ABCA4: variants seen among roughly 807,000 people sequenced by gnomAD.
ABCA4 encodes the protein ATP binding cassette subfamily A member 4, also known as retinal-specific phospholipid-transporting ATPase ABCA4.
ABCA4 carries 196 observed loss-of-function variants against 263.7 expected under a neutral mutation model. The observed-to-expected ratio is 0.74, with a 90% CI of 0.66 to 0.84. The LOEUF is 0.84. Ranked by LOEUF, ABCA4 falls within the 40% of genes least tolerant of loss-of-function variation. The pLI, the probability that ABCA4 is intolerant of heterozygous loss-of-function variation, is 0.00. For missense variants in ABCA4, 2,792 were observed against 2,855.1 expected (o/e 0.98, Z 0.50); for synonymous variants, 1,133 against 1,094.2 (o/e 1.04, Z -0.70).
chr1:94,029,706 C>T, intron 29 of ABCA4, 75 bp from the exon 30 acceptor site: 8 of 1,415,990 alleles, frequency 5.6e-6, no homozygotes, highest in African/African-American at 1.4e-5. Flanking sequence ...AGAAATTGTG[C>T]CCAACCCTTT....
intron 43 of ABCA4, among the ~76,000 whole-genome samples, chr1:94,005,935 GAAGT>G (rs1031172152): frequency 5.3e-5 from 8 of 152,176 alleles, no homozygotes; most frequent in Admixed American, 1.3e-4. Flanking sequence ...AGACATTTGG[GAAGT>G]AACTAGAAAA....
intron 1 of ABCA4, among the ~76,000 whole-genome samples, chr1:94,114,035 AAC>A (rs1317467642): frequency 1.3e-5 from 2 of 152,216 alleles, no homozygotes; most frequent in East Asian, 3.8e-4. Context: ...TTAGGAAGGA[AAC>A]ACATAAGATC....
At chr1:94,046,280 TAAAA>T (rs11289565) in intron 19 of ABCA4, among the ~76,000 whole-genome samples, 171 of 77,054 alleles carry the variant, frequency 2.2e-3, no homozygotes, top group Middle Eastern at 8.5e-3. Flanking sequence ...CTGTCTGTAC[TAAAA>T]AAAAAAAAAA....
chr1:94,073,035 T>C (rs890408527), intron 11 of ABCA4, among the ~76,000 whole-genome samples: 12 of 152,102 alleles, frequency 7.9e-5, no homozygotes, highest in Admixed American at 6.5e-4. Flanking sequence ...AGCAGCCCAG[T>C]GAAGCAACAT....
chr1:94,007,833 G>T, intron 42 of ABCA4, 93 bp from the exon 43 acceptor site: 2 of 1,216,598 alleles, frequency 1.6e-6, no homozygotes, highest in Non-Finnish European at 1.2e-6. Flanking sequence ...GCTGGGGGAG[G>T]AATTTTAGAC....
At chr1:94,111,684 G>A (rs920727981) in intron 2 of ABCA4, 105 bp from the exon 3 acceptor site, 2 of 1,320,422 alleles carry the variant, frequency 1.5e-6, no homozygotes, top group African/African-American at 2.9e-5. Flanking sequence ...CCCCTCTGAT[G>A]TCCTCCTTCA....
Position 94,084,996 on chromosome 1 carries a change from G to A in ABCA4, c.769-1555C>T, listed in dbSNP as rs151082799. 4.6e-5 allele frequency among the ~76,000 whole-genome samples: 7 copies of A among 152,250 alleles called. No homozygotes were observed. In the East Asian group the frequency reaches 1.4e-3, roughly 29 times the overall value. On this transcript the variant is annotated intron_variant, in intron 6 of 49. Coordinates refer to ENST00000370225, the MANE Select transcript of ABCA4 (RefSeq NM_000350.3). ...ATTAGAGATGAAAAGAGACCTGAGA[G>A]ACATAGCAGTAAAATGGCCACAGGT...
At chr1:94,026,129 C>T (rs537251588) in intron 30 of ABCA4, among the ~76,000 whole-genome samples, 1 of 152,358 alleles carries the variant, frequency 6.6e-6, no homozygotes, top group African/African-American at 2.4e-5. Flanking sequence ...GTCAAGGGTG[C>T]TGCCCAGAAG....
At chr1:94,031,234 C>T (rs1488568186) in intron 27 of ABCA4, 114 bp from the exon 28 acceptor site, 1 of 1,433,798 alleles carries the variant, frequency 7.0e-7, no homozygotes, top group Non-Finnish European at 9.6e-7. Context: ...CCTAATCAGC[C>T]CCTGGTGGAG....
chr1:94,119,168 A>G (rs1055470355), intron 1 of ABCA4, among the ~76,000 whole-genome samples: 1 of 152,162 alleles, frequency 6.6e-6, no homozygotes. Context: ...AAATTTAATC[A>G]TGAGGTTTTT....
intron 47 of ABCA4, 102 bp downstream of exon 47, chr1:94,000,734 G>A (rs1164086088): frequency 8.0e-7 from 1 of 1,252,666 alleles, no homozygotes; most frequent in African/African-American, 1.5e-5. Flanking sequence ...TCTGCCCCAG[G>A]GGATGACGGA....
intron 20 of ABCA4, among the ~76,000 whole-genome samples, chr1:94,043,921 T>G (rs1660593189): frequency 4.6e-5 from 7 of 152,188 alleles, no homozygotes; most frequent in Admixed American, 4.6e-4. Context: ...AGCGGTTATC[T>G]CTGAGTAGTG....
intron 7 of ABCA4, among the ~76,000 whole-genome samples, chr1:94,082,372 A>C (rs1661723857): frequency 6.6e-6 from 1 of 152,238 alleles, no homozygotes; most frequent in South Asian, 2.1e-4. Context: ...TTCTACTCAG[A>C]ACTAAGAGTG....
chr1:94,066,112 T>G (rs1363771783), intron 11 of ABCA4, among the ~76,000 whole-genome samples: 1 of 152,212 alleles, frequency 6.6e-6, no homozygotes, highest in East Asian at 1.9e-4. Flanking sequence ...GATAAATAGT[T>G]TGGGTCTGTT....
intron 44 of ABCA4, 119 bp downstream of exon 44, chr1:94,005,322 T>G: frequency 7.5e-7 from 1 of 1,336,590 alleles, no homozygotes; most frequent in Non-Finnish European, 1.1e-6. Context: ...AGTAAACATT[T>G]GTTGGAATGA....
chr1:94,082,240 T>C (rs1005768265), intron 7 of ABCA4, among the ~76,000 whole-genome samples: 2 of 152,224 alleles, frequency 1.3e-5, no homozygotes, highest in African/African-American at 4.8e-5. Flanking sequence ...CACTCAGAGA[T>C]GAAGGGGCTG....
rs1469709113 is a variant in ABCA4, at chr1:94,051,245, C to T, written c.2653+388G>A. The stretch of plus-strand genomic sequence containing the variant: ...GAAAAGGCAGAGAAGAATAAAAAGG[C>T]ACAAGGAAGGCAATGGGAGATGAAT... On this transcript the variant is annotated intron_variant, in intron 17 of 49. Transcript: ENST00000370225. Among the ~76,000 whole-genome samples the T allele has an allele frequency of 2.0e-5, 3 of 152,182 alleles. No individual in the cohort carries two copies. In the East Asian group the frequency reaches 5.8e-4, roughly 29 times the overall value.
intron 44 of ABCA4, among the ~76,000 whole-genome samples, chr1:94,004,821 T>G (rs55832874): frequency 0.014 from 2,196 of 152,352 alleles, 27 homozygotes; most frequent in Non-Finnish European, 0.022. Flanking sequence ...TGTTTTCTGG[T>G]TTATCCTTTC....
intron 5 of ABCA4, among the ~76,000 whole-genome samples, chr1:94,100,378 A>G (rs182810207): frequency 2.4e-4 from 36 of 152,342 alleles, no homozygotes; most frequent in African/African-American, 8.4e-4. Context: ...GCTGGTAGGC[A>G]CTTTTACTAT....
Sources: allele counts gnomAD v4.1 joint callset (sites outside exome capture counted in the v4.1 genomes callset), GRCh38; gene constraint gnomAD v4.1.1; transcripts MANE v1.5; gene names NCBI Gene and HGNC (gene_info 2026-07-23, HGNC 2026-07-21).